PCDH15: variants seen among roughly 807,000 people sequenced by gnomAD.
The protein encoded by PCDH15 is protocadherin related 15, also known as protocadherin-15.
A neutral mutation model predicts 178.5 loss-of-function variants in PCDH15; 129 were observed. The ratio of observed to expected loss-of-function variants is 0.72; its 90% CI spans 0.63 to 0.84. The LOEUF (loss-of-function observed/expected upper bound fraction) is 0.84, where lower values mean the gene tolerates loss of function less well. Among genes scored for constraint, PCDH15 ranks in the 40% least tolerant of loss-of-function variants. The pLI, the probability that PCDH15 is intolerant of heterozygous loss-of-function variation, is 0.00. For missense variants in PCDH15, 2,230 were observed against 2,099.9 expected (o/e 1.06, Z -1.21); for synonymous variants, 800 against 732.0 (o/e 1.09, Z -1.50).
chr10:54,426,580 T>C lies in PCDH15; in HGVS notation c.158-47638A>G, dbSNP rs143208122. 7.0e-4 allele frequency among the ~76,000 whole-genome samples: 107 copies of C among 152,306 alleles called. 1 individual carries two copies. The highest frequency in any genetic ancestry group is 6.8e-3 in the Middle Eastern group (2 of 294). On this transcript the variant is annotated intron_variant, in intron 3 of 37. Transcript: ENST00000644397. ...GGGTTGGGACCCCTGTTTTACACTA[T>C]AACATTTGCACACGTCTCTCATGGC...
chr10:55,475,726 T>C (rs1304138644), intron 2 of PCDH15, among the ~76,000 whole-genome samples: 1 of 152,166 alleles, frequency 6.6e-6, no homozygotes, highest in African/African-American at 2.4e-5. Flanking sequence ...ATTATGTATA[T>C]GCAAATATGC....
At chr10:54,138,097 C>A (rs1172454175) in intron 14 of PCDH15, among the ~76,000 whole-genome samples, 1 of 152,162 alleles carries the variant, frequency 6.6e-6, no homozygotes, top group Admixed American at 6.5e-5. Context: ...GCATGATCCC[C>A]TCCTCTCAGT....
At chr10:53,958,217 C>T (rs1378115672) in intron 23 of PCDH15, among the ~76,000 whole-genome samples, 1 of 152,174 alleles carries the variant, frequency 6.6e-6, no homozygotes, top group Non-Finnish European at 1.5e-5. Context: ...TCATTATCCT[C>T]AATTATTATC....
At chr10:54,852,910 T>A (rs1953650301) in intron 3 of PCDH15, among the ~76,000 whole-genome samples, 1 of 148,428 alleles carries the variant, frequency 6.7e-6, no homozygotes, top group African/African-American at 2.5e-5. Flanking sequence ...GTTTATTTTA[T>A]TTTAGTTAAT....
At chr10:55,173,285 CTT>C (rs1839387589) in intron 1 of PCDH15, among the ~76,000 whole-genome samples, 1 of 134,740 alleles carries the variant, frequency 7.4e-6, no homozygotes, top group African/African-American at 2.7e-5. Context: ...AATAGGAATC[CTT>C]TGATTCTATA....
chr10:54,233,954 T>A (rs1289463737), intron 9 of PCDH15, among the ~76,000 whole-genome samples: 1 of 152,132 alleles, frequency 6.6e-6, no homozygotes, highest in Non-Finnish European at 1.5e-5. Flanking sequence ...AGCATCCGTA[T>A]CCTCACATAT....
intron 2 of PCDH15, among the ~76,000 whole-genome samples, chr10:54,549,294 G>T (rs77086861): frequency 6.6e-6 from 1 of 151,682 alleles, no homozygotes; most frequent in South Asian, 2.1e-4. Flanking sequence ...TTTCAACCAT[G>T]AGAAGTTAAG....
At chr10:54,669,351 TAA>T (rs2094621003) in intron 1 of PCDH15, among the ~76,000 whole-genome samples, 2 of 151,570 alleles carry the variant, frequency 1.3e-5, no homozygotes, top group Non-Finnish European at 2.9e-5. Context: ...TACATATGTA[TAA>T]GTTTATATCA....
intron 1 of PCDH15, among the ~76,000 whole-genome samples, chr10:54,761,907 T>A (rs1947926773): frequency 6.6e-6 from 1 of 152,044 alleles, no homozygotes; most frequent in African/African-American, 2.4e-5. Context: ...TTCTGGGGAA[T>A]AGATATTAGT....
chr10:55,246,775 T>G (rs1841689717), intron 1 of PCDH15, among the ~76,000 whole-genome samples: 1 of 152,216 alleles, frequency 6.6e-6, no homozygotes, highest in African/African-American at 2.4e-5. Context: ...TTTGTAGGTT[T>G]ATGCAGAGAA....
At chr10:54,969,005 C>A (rs1838865180) in intron 2 of PCDH15, among the ~76,000 whole-genome samples, 1 of 151,900 alleles carries the variant, frequency 6.6e-6, no homozygotes, top group African/African-American at 2.4e-5. Flanking sequence ...TCTTCATGTA[C>A]ATTTAGAATG....
intron 2 of PCDH15, among the ~76,000 whole-genome samples, chr10:54,913,739 C>T (rs1033436129): frequency 6.6e-6 from 1 of 152,152 alleles, no homozygotes; most frequent in African/African-American, 2.4e-5. Flanking sequence ...CAGAGCTGCC[C>T]AATTCCTTGG....
At chr10:54,995,782 C>T (rs947341686) in intron 2 of PCDH15, among the ~76,000 whole-genome samples, 3 of 151,782 alleles carry the variant, frequency 2.0e-5, no homozygotes, top group Admixed American at 2.0e-4. Context: ...TGCATCTGGA[C>T]GATGAGATAC....
chr10:54,745,798 C>T (rs1439652228), intron 1 of PCDH15, among the ~76,000 whole-genome samples: 1 of 152,134 alleles, frequency 6.6e-6, no homozygotes, highest in Non-Finnish European at 1.5e-5. Context: ...TAAGCCAGTA[C>T]ATTTCTTTAA....
At chr10:54,787,783 C>G (rs934573087) in intron 1 of PCDH15, among the ~76,000 whole-genome samples, 10 of 151,908 alleles carry the variant, frequency 6.6e-5, no homozygotes, top group Non-Finnish European at 1.5e-4. Flanking sequence ...GAGATGCATC[C>G]CAAATTCATG....
At chr10:54,629,685 C>T (rs1472056774) in intron 2 of PCDH15, among the ~76,000 whole-genome samples, 1 of 152,038 alleles carries the variant, frequency 6.6e-6, no homozygotes, top group Non-Finnish European at 1.5e-5. Context: ...TGGAGCAAGA[C>T]AATAATGCCC....
intron 3 of PCDH15, among the ~76,000 whole-genome samples, chr10:54,877,924 TTCTC>T (rs759282598): frequency 0.013 from 550 of 43,270 alleles, 18 homozygotes; most frequent in Non-Finnish European, 0.018. Context: ...CTTATTCTCT[TTCTC>T]TCTCTCTCTC....
chr10:55,197,605 A>G (rs1434436680), intron 1 of PCDH15, among the ~76,000 whole-genome samples: 5 of 152,104 alleles, frequency 3.3e-5, no homozygotes, highest in African/African-American at 1.2e-4. Flanking sequence ...ATGTTCATAA[A>G]AAGTCATTCA....
intron 8 of PCDH15, among the ~76,000 whole-genome samples, chr10:54,312,395 T>G (rs2060962257): frequency 6.6e-6 from 1 of 152,120 alleles, no homozygotes; most frequent in Non-Finnish European, 1.5e-5. Flanking sequence ...AATAACATTT[T>G]CTTTTCCATA....
Sources: gnomAD v4.1 joint callset for allele counts (sites outside exome capture counted in the v4.1 genomes callset) on GRCh38, gnomAD v4.1.1 for gene constraint, MANE v1.5 for transcripts, NCBI Gene and HGNC (gene_info 2026-07-23, HGNC 2026-07-21) for gene names.